Variants in DTL observed in about 807,000 individuals in gnomAD.
The protein encoded by DTL is denticleless protein homolog.
DTL carries 46 observed loss-of-function variants against 87.0 expected under a neutral mutation model. The observed-to-expected ratio is 0.53, with a 90% CI of 0.42 to 0.68. The LOEUF (loss-of-function observed/expected upper bound fraction) is 0.68. Ranked by LOEUF, DTL falls within the 30% of genes least tolerant of loss-of-function variation. The pLI is 0.00. For synonymous variants in DTL, 308 were observed against 311.2 expected, an observed-to-expected ratio of 0.99 and a Z score of 0.11; for missense variants, 737 against 869.4, an observed-to-expected ratio of 0.85 and a Z score of 1.91.
intron 13 of DTL, among the ~76,000 whole-genome samples, chr1:212,097,589 A>AT (rs148446835): frequency 0.032 from 4,900 of 151,818 alleles, 141 homozygotes; most frequent in Non-Finnish European, 0.05. Flanking sequence ...TTTATTTATG[A>AT]TATCTATTTC....
chr1:212,040,391 A>G lies in DTL; in HGVS notation c.53-2602A>G, dbSNP rs185357390. On this transcript the variant is annotated intron_variant, in intron 1 of 14. Coordinates refer to ENST00000366991, the MANE Select transcript of DTL (RefSeq NM_016448.4). ...AGGATATGTTCCAAGACCCAACCCT[A>G]TGTATGCTGTGTTTTTTACTATACA... Among the ~76,000 whole-genome samples, 4 of 152,330 alleles carry G rather than the reference A, an allele frequency of 2.6e-5. No individual in the cohort carries two copies. The East Asian group carries it at 7.7e-4, about 29-fold the overall frequency.
At chr1:212,099,535 C>T (rs985239907) in intron 13 of DTL, 1 of 152,636 alleles carries the variant, frequency 6.6e-6, no homozygotes, top group African/African-American at 2.4e-5. Flanking sequence ...CACCCAGCCA[C>T]CCTCTCACAC....
chr1:212,037,436 T>G (rs772740730), intron 1 of DTL, among the ~76,000 whole-genome samples: 6 of 152,222 alleles, frequency 3.9e-5, no homozygotes, highest in African/African-American at 1.4e-4. Context: ...TTCTTCCACT[T>G]CTACATACAT....
intron 3 of DTL, among the ~76,000 whole-genome samples, chr1:212,045,785 T>G (rs1667792647): frequency 6.6e-6 from 1 of 152,126 alleles, no homozygotes; most frequent in Non-Finnish European, 1.5e-5. Flanking sequence ...ACCAATTTGT[T>G]TGGAATAAGG....
intron 5 of DTL, among the ~76,000 whole-genome samples, chr1:212,060,297 A>T (rs1457230714): frequency 2.6e-5 from 4 of 152,230 alleles, no homozygotes; most frequent in African/African-American, 7.2e-5. Context: ...AATGGAACAG[A>T]ATAGAGAATT....
At chr1:212,086,317 A>G (rs1438154327) in intron 13 of DTL, among the ~76,000 whole-genome samples, 1 of 152,174 alleles carries the variant, frequency 6.6e-6, no homozygotes, top group Admixed American at 6.5e-5. Flanking sequence ...AAAGAAAAGA[A>G]TCATATGAGG....
At chr1:212,096,201 T>G (rs1655446971) in intron 13 of DTL, among the ~76,000 whole-genome samples, 1 of 152,190 alleles carries the variant, frequency 6.6e-6, no homozygotes. Context: ...ATTTCTGTGG[T>G]ATTCGTTGTT....
intron 13 of DTL, among the ~76,000 whole-genome samples, chr1:212,096,524 C>T (rs1264400578): frequency 1.3e-5 from 2 of 152,122 alleles, no homozygotes; most frequent in African/African-American, 4.8e-5. Flanking sequence ...GTGAACTTTC[C>T]TCTTAGCACT....
rs779182433 is a variant in DTL at position 212,068,195 on chromosome 1, A to G, written c.714-29A>G. On this transcript the variant is annotated intron_variant, in intron 8 of 14. Transcript: ENST00000366991. The stretch of plus-strand genomic sequence containing the variant: ...GTTGTTTGGGGTTGGAAGAAGGTCT[A>G]CAAAATATTTATTTGCCTTGGTTTT... 2.6e-6 allele frequency: 4 copies of G among 1,510,902 alleles called. No individual in the cohort carries two copies. The East Asian group carries it at 6.8e-5, about 26-fold the overall frequency. 93.6% of individuals were successfully genotyped at this position (1,510,902 alleles called of 1,614,324 possible).
intron 10 of DTL, among the ~76,000 whole-genome samples, chr1:212,071,326 T>C (rs1346870200): frequency 6.6e-6 from 1 of 152,222 alleles, no homozygotes; most frequent in South Asian, 2.1e-4. Context: ...TATTTCCTAG[T>C]AGTGTTCTGA....
chr1:212,047,517 G>T (rs1216193195), intron 5 of DTL, 100 bp downstream of exon 5: 1 of 1,434,286 alleles, frequency 7.0e-7, no homozygotes, highest in Non-Finnish European at 9.6e-7. Flanking sequence ...CAAAGTTACT[G>T]CTTTACCTAC....
intron 10 of DTL, among the ~76,000 whole-genome samples, chr1:212,070,709 T>C (rs1654647009): frequency 6.6e-6 from 1 of 152,172 alleles, no homozygotes; most frequent in Non-Finnish European, 1.5e-5. Flanking sequence ...TTGGATTCGA[T>C]ACTTGATCTA....
At chr1:212,069,650 A>G (rs1288342798) in intron 10 of DTL, among the ~76,000 whole-genome samples, 1 of 152,044 alleles carries the variant, frequency 6.6e-6, no homozygotes, top group East Asian at 1.9e-4. Flanking sequence ...GGTTCAAGCA[A>G]TTCTCCTGCC....
intron 14 of DTL, among the ~76,000 whole-genome samples, chr1:212,102,046 G>A (rs1178767071): frequency 2.0e-5 from 3 of 152,228 alleles, no homozygotes; most frequent in Non-Finnish European, 2.9e-5. Flanking sequence ...TTAAAGGGCA[G>A]AAGCTAGATA....
intron 14 of DTL, among the ~76,000 whole-genome samples, chr1:212,101,941 G>T (rs2102590954): frequency 6.6e-6 from 1 of 152,208 alleles, no homozygotes; most frequent in Middle Eastern, 3.4e-3. Context: ...AGGGGAGATG[G>T]GTTAAGGAAG....
intron 1 of DTL, among the ~76,000 whole-genome samples, chr1:212,038,165 C>T (rs1667542499): frequency 6.6e-6 from 1 of 152,238 alleles, no homozygotes; most frequent in African/African-American, 2.4e-5. Context: ...ACCAGAGTAC[C>T]TGGAGAAAAC....
In DTL at chr1:212,058,768, TAAAC is replaced by T. The variant is rs369658084; in HGVS notation, c.461-4112_461-4109del. On this transcript the variant is annotated intron_variant, in intron 5 of 14. Transcript: ENST00000366991. ...ACAAAAGGTTGGTTTTTGGAAAAGATAAACAAAATCAATAAGGTACTTGCTAGAC... is the reference window on the plus strand; with the variant it reads ...ACAAAAGGTTGGTTTTTGGAAAAGATAAAATCAATAAGGTACTTGCTAGAC... 3.1e-3 allele frequency among the ~76,000 whole-genome samples: 470 copies of T among 150,792 alleles called. 1 individual carries two copies. Among genetic ancestry groups the T allele is most frequent in the African/African-American group, 0.011 (454 of 41,058 alleles).
In DTL at chr1:212,047,182, C is replaced by T. The variant is rs1667832293; in HGVS notation, c.309C>T (p.Asp103=). 1.2e-6 allele frequency: 2 copies of T among 1,614,148 alleles called. No individual in the cohort carries two copies. Among genetic ancestry groups the T allele is most frequent in the Non-Finnish European group, 1.7e-6 (2 of 1,180,028 alleles). The part of the protein sequence containing the change: ...EWMAHWNAVF[D]LAWVPGELKL... ...TGGCTCACTGGAATGCCGTCTTTGA[C>T]CTGGCCTGGGTTCCTGGTGAACTTA... The change falls in exon 4 of 15, where the codon GAC becomes GAT. Residue 103 remains aspartate (D), a synonymous_variant. Transcript: ENST00000366991.
rs895602761 is a variant in DTL at position 212,072,093 on chromosome 1, T to C, written c.923-8T>C. On this transcript the variant is annotated splice_region_variant and splice_polypyrimidine_tract_variant and intron_variant, in intron 10 of 14. Coordinates refer to ENST00000366991, the MANE Select transcript of DTL (RefSeq NM_016448.4). ...GAGCCAAGTAATTTGGTTTTTTTCC[T>C]CTGGCAGTGGCTATTTTCAATGGAC... is the stretch of plus-strand genomic sequence containing the variant. 3 of 1,611,738 alleles carry C rather than the reference T, an allele frequency of 1.9e-6. No homozygotes were observed. In the African/African-American group the frequency reaches 4.0e-5, roughly 22 times the overall value.
Sources: gnomAD v4.1 joint callset for allele counts (sites outside exome capture counted in the v4.1 genomes callset) on GRCh38, gnomAD v4.1.1 for gene constraint, MANE v1.5 for transcripts, NCBI Gene and HGNC (gene_info 2026-07-23, HGNC 2026-07-21) for gene names.